Variants in POLR3B observed in about 807,000 individuals in gnomAD.
POLR3B encodes DNA-directed RNA polymerase III subunit RPC2.
A neutral mutation model predicts 147.4 loss-of-function variants in POLR3B; 96 were observed. That is an observed-to-expected ratio of 0.65 (90% CI 0.55 to 0.77). The LOEUF is 0.77. POLR3B is among the 30% of genes least tolerant of loss of function. The probability of loss-of-function intolerance (pLI) is 0.00; values close to 1 mark genes in which losing one functional copy is unlikely to be tolerated. For synonymous variants in POLR3B, 461 were observed against 485.9 expected, an observed-to-expected ratio of 0.95 and a Z score of 0.67; for missense variants, 1,036 against 1,413.5, an observed-to-expected ratio of 0.73 and a Z score of 4.28.
At chr12:106,458,290 T>G (rs999104806) in intron 21 of POLR3B, among the ~76,000 whole-genome samples, 1 of 151,794 alleles carries the variant, frequency 6.6e-6, no homozygotes, top group African/African-American at 2.4e-5. Context: ...GCCTGGATAG[T>G]TTTTTGTATT....
intron 23 of POLR3B, among the ~76,000 whole-genome samples, chr12:106,479,626 A>T (rs1323910276): frequency 6.6e-6 from 1 of 151,874 alleles, no homozygotes; most frequent in Non-Finnish European, 1.5e-5. Flanking sequence ...CTCGTGATCC[A>T]CCTGCCTCGG....
intron 18 of POLR3B, among the ~76,000 whole-genome samples, chr12:106,444,217 A>G (rs1320547592): frequency 2.0e-5 from 3 of 152,206 alleles, no homozygotes; most frequent in Non-Finnish European, 4.4e-5. Context: ...CAGGCTAGTC[A>G]TCCATGTGAA....
intron 23 of POLR3B, among the ~76,000 whole-genome samples, chr12:106,470,499 C>T (rs2038075154): frequency 6.6e-6 from 1 of 152,132 alleles, no homozygotes; most frequent in Non-Finnish European, 1.5e-5. Flanking sequence ...CCCTTGCTGG[C>T]AAGGAGTTGT....
At position 106,357,845 on chromosome 12, in the gene POLR3B, AG is replaced by A; in HGVS notation, c.-33del. 1 of 1,603,710 alleles carries A rather than the reference AG, an allele frequency of 6.2e-7. No individual in the cohort carries two copies. Among genetic ancestry groups the A allele is most frequent in the Non-Finnish European group, 8.5e-7 (1 of 1,174,046 alleles). ...CTTGGTGCAGGGAAGGCGGGCGCGG[AG>A]GTTCTATCTGTTTCTTCCTCCTTCG... On this transcript the variant is annotated 5_prime_UTR_variant, in exon 1 of 28. Transcript: ENST00000228347.
chr12:106,501,682 C>A (rs2038604122), intron 26 of POLR3B, among the ~76,000 whole-genome samples: 2 of 152,212 alleles, frequency 1.3e-5, no homozygotes, highest in Admixed American at 1.3e-4. Flanking sequence ...CCTAACACAA[C>A]TATTTACTGT....
At chr12:106,374,231 T>G (rs1709844320) in intron 6 of POLR3B, among the ~76,000 whole-genome samples, 1 of 152,182 alleles carries the variant, frequency 6.6e-6, no homozygotes, top group Non-Finnish European at 1.5e-5. Context: ...GTTTTGGTCT[T>G]TTTGAGACAG....
intron 19 of POLR3B, 106 bp from the exon 20 acceptor site, chr12:106,454,396 G>C (rs1226447020): frequency 2.8e-6 from 2 of 702,050 alleles, no homozygotes; most frequent in African/African-American, 1.8e-5. Context: ...TGAAGATTTT[G>C]TTCATTTTAA....
chr12:106,405,825 A>G (rs750125579), intron 10 of POLR3B, 32 bp from the exon 11 acceptor site: 1 of 1,608,116 alleles, frequency 6.2e-7, no homozygotes, highest in Non-Finnish European at 8.5e-7. Flanking sequence ...CAGTGATGTC[A>G]TTCAAACATT....
At chr12:106,417,548 T>G (rs1215589923) in intron 12 of POLR3B, among the ~76,000 whole-genome samples, 1 of 152,134 alleles carries the variant, frequency 6.6e-6, no homozygotes, top group African/African-American at 2.4e-5. Context: ...GTAGCAGTTT[T>G]CTAGATGAGA....
intron 2 of POLR3B, among the ~76,000 whole-genome samples, chr12:106,364,261 G>A (rs1219736217): frequency 6.6e-6 from 1 of 152,210 alleles, no homozygotes. Context: ...AGAGAGCGTG[G>A]CTCAATCAAG....
intron 23 of POLR3B, among the ~76,000 whole-genome samples, chr12:106,478,580 C>T (rs1193472831): frequency 6.6e-6 from 1 of 151,898 alleles, no homozygotes; most frequent in Non-Finnish European, 1.5e-5. Flanking sequence ...TTGATAGTCC[C>T]TTCTCTTACA....
intron 21 of POLR3B, among the ~76,000 whole-genome samples, chr12:106,458,365 C>T (rs983858878): frequency 2.4e-4 from 36 of 152,118 alleles, no homozygotes; most frequent in Admixed American, 2.2e-3. Context: ...CTCAAGTTCT[C>T]CACCCACCTC....
chr12:106,421,987 A>G (rs745451884), intron 12 of POLR3B, among the ~76,000 whole-genome samples: 12 of 152,230 alleles, frequency 7.9e-5, no homozygotes, highest in Non-Finnish European at 1.3e-4. Context: ...GGCATGAGCC[A>G]CGGTGCCCGG....
At chr12:106,376,002 A>G (rs2036673404) in intron 6 of POLR3B, among the ~76,000 whole-genome samples, 1 of 151,986 alleles carries the variant, frequency 6.6e-6, no homozygotes, top group South Asian at 2.1e-4. Context: ...ACACCACCAC[A>G]CCCAGTTAAT....
chr12:106,508,163 A>G (rs2137095350), intron 27 of POLR3B, among the ~76,000 whole-genome samples: 1 of 152,328 alleles, frequency 6.6e-6, no homozygotes, highest in South Asian at 2.1e-4. Context: ...AGCAGGTCTA[A>G]TGGCTTCACA....
At chr12:106,457,654 G>T (rs984909221) in intron 21 of POLR3B, among the ~76,000 whole-genome samples, 2 of 152,160 alleles carry the variant, frequency 1.3e-5, no homozygotes, top group African/African-American at 4.8e-5. Context: ...CCCCTGCAAA[G>T]GTATGACTCC....
At chr12:106,403,395 A>G (rs573344370) in intron 10 of POLR3B, among the ~76,000 whole-genome samples, 141 of 150,614 alleles carry the variant, frequency 9.4e-4, no homozygotes, top group African/African-American at 3.4e-3. Context: ...TGTGGAAGTC[A>G]GTGTGGCGAT....
At chr12:106,466,027 C>A (rs1010727601) in intron 23 of POLR3B, among the ~76,000 whole-genome samples, 1 of 152,198 alleles carries the variant, frequency 6.6e-6, no homozygotes, top group African/African-American at 2.4e-5. Flanking sequence ...GGAATCGCCA[C>A]ACTGTCTTCC....
In POLR3B at chr12:106,427,177, A is replaced by G; in HGVS notation, c.1102-20A>G. 1 of 1,179,836 alleles carries G rather than the reference A, an allele frequency of 8.5e-7. No individual in the cohort carries two copies. Among genetic ancestry groups the G allele is most frequent in the Non-Finnish European group, 1.2e-6 (1 of 834,810 alleles). 73.1% of individuals were successfully genotyped at this position (1,179,836 alleles called of 1,614,324 possible). On this transcript the variant is annotated intron_variant, in intron 12 of 27. Coordinates refer to ENST00000228347, the MANE Select transcript of POLR3B (RefSeq NM_018082.6). ...AATGCTTTTTGAAAAATCACCATAT[A>G]CCTTTTTTTTTTTTTTTAGCTTTTA...
Sources: allele counts gnomAD v4.1 joint callset (sites outside exome capture counted in the v4.1 genomes callset), GRCh38; gene constraint gnomAD v4.1.1; transcripts MANE v1.5; gene names NCBI Gene and HGNC (gene_info 2026-07-23, HGNC 2026-07-21).